INO80E: variants seen among roughly 807,000 people sequenced by gnomAD.
The protein encoded by INO80E is INO80 complex subunit E, also known as coiled-coil domain containing 95.
Under a neutral mutation model 27.3 loss-of-function variants are expected in INO80E, and 20 were observed. That is an observed-to-expected ratio of 0.73 (90% confidence interval 0.51 to 1.06). INO80E has a LOEUF of 1.06. Ranked by LOEUF, INO80E falls within the 50% of genes least tolerant of loss-of-function variation. The pLI, the probability that INO80E is intolerant of heterozygous loss-of-function variation, is 0.00. For synonymous variants in INO80E, 167 were observed against 145.9 expected, an observed-to-expected ratio of 1.14 and a Z score of -1.04; for missense variants, 357 against 322.8, an observed-to-expected ratio of 1.11 and a Z score of -0.81.
chr16:30,000,353 G>T (rs780680504), intron 3 of INO80E, among the ~76,000 whole-genome samples: 1 of 152,086 alleles, frequency 6.6e-6, no homozygotes, highest in Non-Finnish European at 1.5e-5. Context: ...TTCCCCCGGG[G>T]CCCTTCTGTT....
At position 29,996,554 on chromosome 16, in the gene INO80E, A is replaced by G; in HGVS notation, c.89A>G (p.Glu30Gly). The change falls in exon 2 of 7, where the codon GAG becomes GGG. Residue 30 changes from glutamate (E) to glycine (G), a missense_variant. Physicochemically the swap from Glu to Gly is moderately conservative, Grantham distance 98. Transcript: ENST00000563197. ...CCCTTGCCCGTGATACAGGAGCACG[A>G]GTGCTTCCAGGAGGAGCTGAGGAAA... Reference protein sequence around the residue: ...RKLKFLIYEHECFQEELRKAQ... With the variant: ...RKLKFLIYEHGCFQEELRKAQ... 1 of 1,565,892 alleles carries G rather than the reference A, an allele frequency of 6.4e-7. No homozygotes were observed. Among genetic ancestry groups the G allele is most frequent in the Non-Finnish European group, 8.7e-7 (1 of 1,155,256 alleles).
Position 30,005,314 on chromosome 16 carries a change from C to CCCCCCCCCCCCCCAAA in INO80E, c.607_608insCCCCCCCCCCCCCAAA (p.Leu203ProfsTer10). The CCCCCCCCCCCCCCAAA allele has an allele frequency of 7.7e-7, 1 of 1,293,400 alleles. No individual in the cohort carries two copies. Among genetic ancestry groups the CCCCCCCCCCCCCCAAA allele is most frequent in the Non-Finnish European group, 1.0e-6 (1 of 991,120 alleles). 80.1% of individuals were successfully genotyped at this position (1,293,400 alleles called of 1,614,324 possible). On this transcript the variant is annotated frameshift_variant, in exon 7 of 7. Transcript: ENST00000563197. LOFTEE classifies it high-confidence loss of function. ...TGGGGTCGGGACAACCCTGACCCCC[C>CCCCCCCCCCCCCCAAA]TCCCACCCCCTAAGATGCCCCCCCC...
Position 30,005,578 on chromosome 16 carries a change from C to G in INO80E, c.*136C>G, listed in dbSNP as rs560196995. 35 of 851,168 alleles carry G rather than the reference C, an allele frequency of 4.1e-5. No homozygotes were observed. The allele number at this position is 851,168 out of a possible 1,614,324, so 52.7% of individuals were successfully genotyped here. A position where few individuals can be genotyped will look rare whatever the true frequency, so the allele number is the denominator to read the frequency against. On this transcript the variant is annotated 3_prime_UTR_variant, in exon 7 of 7. Transcript: ENST00000563197. Reference sequence around the variant, plus strand: ...CGGCCACTGACACAACCAGAAAAGGCGTAAACATGCACGGGTGTCCCCCAG... The same window carrying G: ...CGGCCACTGACACAACCAGAAAAGGGGTAAACATGCACGGGTGTCCCCCAG...
At chr16:29,999,153 A>G (rs1596668330) in intron 3 of INO80E, 1 of 152,116 alleles carries the variant, frequency 6.6e-6, no homozygotes, top group Non-Finnish European at 1.5e-5. Flanking sequence ...TTTGCTTGTT[A>G]TTATAGGAGG....
Position 30,001,302 on chromosome 16 carries a change from G to T in INO80E, c.397-112G>T. On this transcript the variant is annotated intron_variant, in intron 5 of 6. Transcript: ENST00000563197. ...TCTGTGCTCGGGAGCCCCGGGAGCCGCACTCATCACCATCTCTTTTGTTTT... is the reference window on the plus strand; with the variant it reads ...TCTGTGCTCGGGAGCCCCGGGAGCCTCACTCATCACCATCTCTTTTGTTTT... 2.0e-6 allele frequency: 3 copies of T among 1,499,240 alleles called. 1 individual carries two copies. Among genetic ancestry groups the T allele is most frequent in the South Asian group, 2.6e-5 (2 of 75,608 alleles). 92.9% of individuals were successfully genotyped at this position (1,499,240 alleles called of 1,614,324 possible). A position where few individuals can be genotyped will look rare whatever the true frequency, so the allele number is the denominator to read the frequency against.
chr16:29,996,392 G>T lies in INO80E; in HGVS notation c.81+1G>T, dbSNP rs138323499. ...GCGGAAGCTCAAGTTCCTCATCTAC[G>T]TGAGTGCTGCCGCGGGAAGGCTGTG... On this transcript the variant is annotated splice_donor_variant, in intron 1 of 6. Coordinates refer to ENST00000563197, the MANE Select transcript of INO80E (RefSeq NM_173618.3). LOFTEE classifies it high-confidence loss of function. 1 of 1,587,218 alleles carries T rather than the reference G, an allele frequency of 6.3e-7. No homozygotes were observed. The highest frequency in any genetic ancestry group is 1.1e-5 in the South Asian group (1 of 87,606).
intron 3 of INO80E, 31 bp downstream of exon 3, chr16:29,996,891 G>T (rs1380626310): frequency 1.9e-5 from 31 of 1,609,426 alleles, no homozygotes; most frequent in Non-Finnish European, 2.6e-5. Context: ...TTGGTGGAGA[G>T]CATGGTTCCT....
chr16:30,004,007 G>A (rs559089379), intron 6 of INO80E: 1 of 152,490 alleles, frequency 6.6e-6, no homozygotes, highest in East Asian at 1.9e-4. Context: ...CAGCAGCGGA[G>A]ATGAGGGTAA....
Position 30,005,501 on chromosome 16 carries a change from A to G in INO80E, c.*59A>G, listed in dbSNP as rs891824186. 27 of 1,468,896 alleles carry G rather than the reference A, an allele frequency of 1.8e-5. No homozygotes were observed. Among genetic ancestry groups the G allele is most frequent in the Middle Eastern group, 4.1e-4 (2 of 4,938 alleles). The allele number at this position is 1,468,896 out of a possible 1,614,324, so 91.0% of individuals were successfully genotyped here. ...CCCGGCGCCCTCCCCGTGCCAGCAC[A>G]CACGAGTCCAGCTTCCTCGGAGGTG... On this transcript the variant is annotated 3_prime_UTR_variant, in exon 7 of 7. Coordinates refer to ENST00000563197, the MANE Select transcript of INO80E (RefSeq NM_173618.3).
chr16:30,005,634 C>T lies in INO80E; in HGVS notation c.*192C>T, dbSNP rs557746446. 6.4e-5 allele frequency: 39 copies of T among 611,852 alleles called. No individual in the cohort carries two copies. Among genetic ancestry groups the T allele is most frequent in the African/African-American group, 6.3e-4 (33 of 52,360 alleles). The allele number at this position is 611,852 out of a possible 1,614,324, so 37.9% of individuals were successfully genotyped here. A position where few individuals can be genotyped will look rare whatever the true frequency, so the allele number is the denominator to read the frequency against. The stretch of plus-strand genomic sequence containing the variant: ...TGGCAGGGGCCCTGCCTTCAAACCC[C>T]GGCCCCCTCCAGGGGACAGTTATTT... On this transcript the variant is annotated 3_prime_UTR_variant, in exon 7 of 7. Coordinates refer to ENST00000563197, the MANE Select transcript of INO80E (RefSeq NM_173618.3).
intron 3 of INO80E, among the ~76,000 whole-genome samples, chr16:29,998,970 G>A (rs1022587348): frequency 2.0e-5 from 3 of 151,992 alleles, no homozygotes; most frequent in East Asian, 1.9e-4. Context: ...GTGTGAACCC[G>A]GGAGGCGGAG....
intron 3 of INO80E, among the ~76,000 whole-genome samples, chr16:29,997,681 G>C (rs931891119): frequency 9.2e-5 from 14 of 151,544 alleles, no homozygotes; most frequent in Non-Finnish European, 1.3e-4. Flanking sequence ...TTGAACCCTG[G>C]AGGCAGAGGT....
chr16:29,997,874 A>G (rs1290010608), intron 3 of INO80E, among the ~76,000 whole-genome samples: 1 of 152,024 alleles, frequency 6.6e-6, no homozygotes, highest in African/African-American at 2.4e-5. Context: ...GGGACCAGAG[A>G]AGAAACCAGC....
At chr16:30,001,641 C>A in intron 6 of INO80E, 111 bp downstream of exon 6, 1 of 1,025,796 alleles carries the variant, frequency 9.7e-7, no homozygotes, top group Non-Finnish European at 1.4e-6. Context: ...AATTTGGGGA[C>A]CCAGTCAGCA....
intron 3 of INO80E, among the ~76,000 whole-genome samples, chr16:30,000,036 A>G (rs73530127): frequency 6.6e-6 from 1 of 152,240 alleles, no homozygotes; most frequent in African/African-American, 2.4e-5. Flanking sequence ...AGAGGCAAGG[A>G]ACCAGTGGCA....
chr16:29,999,212 A>G (rs1434531562), intron 3 of INO80E: 2 of 152,236 alleles, frequency 1.3e-5, no homozygotes, highest in Non-Finnish European at 2.9e-5. Context: ...CAGGTAGGTC[A>G]TAGTAGGAGA....
chr16:30,001,235 G>T, intron 5 of INO80E, 179 bp from the exon 6 acceptor site: 1 of 1,492,428 alleles, frequency 6.7e-7, no homozygotes. Context: ...CCTGACTGAG[G>T]AGAGCAAAGC....
Position 29,996,812 on chromosome 16 carries a change from C to T in INO80E, c.157C>T (p.Leu53Phe). ...TGTCTCCTTCCCTCCCCTCAGTTTCCTCCTAGACCGACTTCTGCAGTACGA... is the reference window on the plus strand; with the variant it reads ...TGTCTCCTTCCCTCCCCTCAGTTTCTTCCTAGACCGACTTCTGCAGTACGA... The part of the protein sequence containing the change: ...LLKVSRDKSF[L>F]LDRLLQYENV... The change falls in exon 3 of 7, where the codon CTC becomes TTC. Residue 53 changes from leucine (L) to phenylalanine (F), a missense_variant. Coordinates refer to ENST00000563197, the MANE Select transcript of INO80E (RefSeq NM_173618.3). 1 of 1,614,152 alleles carries T rather than the reference C, an allele frequency of 6.2e-7. No homozygotes were observed. The highest frequency in any genetic ancestry group is 8.5e-7 in the Non-Finnish European group (1 of 1,180,010).
Position 30,005,276 on chromosome 16 carries a change from G to A in INO80E, c.569G>A (p.Arg190Gln), listed in dbSNP as rs749402450. 7.8e-5 allele frequency: 116 copies of A among 1,482,310 alleles called. No individual in the cohort carries two copies. In the Middle Eastern group the frequency reaches 9.7e-4, roughly 12 times the overall value. The allele number at this position is 1,482,310 out of a possible 1,614,324, so 91.8% of individuals were successfully genotyped here. The stretch of plus-strand genomic sequence containing the variant: ...GGAGGGCCGCTGACCTTCCCTGGCC[G>A]GGGTTCTGGGGCTGGGGTCGGGACA... ...PVGGPLTFPG[R>Q]GSGAGVGTTL... The change falls in exon 7 of 7, where the codon CGG (arginine) becomes CAG (glutamine). Residue 190 changes from arginine to glutamine, a missense_variant. By Grantham distance (43) the Arg-to-Gln change is conservative (BLOSUM62 1). Coordinates refer to ENST00000563197, the MANE Select transcript of INO80E (RefSeq NM_173618.3).
Sources: gnomAD v4.1 joint callset for allele counts (sites outside exome capture counted in the v4.1 genomes callset) on GRCh38, gnomAD v4.1.1 for gene constraint, MANE v1.5 for transcripts, NCBI Gene and HGNC (gene_info 2026-07-23, HGNC 2026-07-21) for gene names.